The following ATP6V0A1 variants were observed in gnomAD, a reference collection of about 807,000 sequenced individuals.
The protein encoded by ATP6V0A1 is ATPase H+ transporting V0 subunit a1.
In ATP6V0A1, 43 loss-of-function variants were observed where a neutral mutation model predicts 105.4. That is an observed-to-expected ratio of 0.41 (90% CI 0.32 to 0.53). The LOEUF (loss-of-function observed/expected upper bound fraction) is 0.53, where lower values mean the gene tolerates loss of function less well. Among genes scored for constraint, ATP6V0A1 ranks in the 20% least tolerant of loss-of-function variants. ATP6V0A1 has a pLI of 0.30. For missense variants in ATP6V0A1, 676 were observed against 1,051.1 expected, an observed-to-expected ratio of 0.64 and a Z score of 4.93; for synonymous variants, 362 against 372.8, an observed-to-expected ratio of 0.97 and a Z score of 0.33.
intron 11 of ATP6V0A1, among the ~76,000 whole-genome samples, chr17:42,491,368 T>C (rs1231732611): frequency 2.0e-5 from 3 of 152,238 alleles, no homozygotes; most frequent in Non-Finnish European, 4.4e-5. Flanking sequence ...TGGAGTGCAG[T>C]GGCGTGATCT....
At position 42,500,739 on chromosome 17, in the gene ATP6V0A1, G is replaced by T. The variant is rs1346904346; in HGVS notation, c.1712G>T (p.Gly571Val). 1 of 1,613,738 alleles carries T rather than the reference G, an allele frequency of 6.2e-7. No individual in the cohort carries two copies. The highest frequency in any genetic ancestry group is 8.5e-7 in the Non-Finnish European group (1 of 1,179,758). Residue 571 changes from glycine to valine, a missense_variant, in exon 16 of 22, where the codon GGA (glycine) becomes GTA (valine). This residue lies in a region of ATP6V0A1 where 435 missense variants were observed against 642.2 expected (regional missense o/e 0.68). Transcript: ENST00000343619. ...AAGAAGCCCCTGAATATCTACTTTG[G>T]ATTTATTCCTGAAATAATCTTCATG... ...YFKKPLNIYF[G>V]FIPEIIFMTS... is the part of the protein sequence containing the mutation.
At chr17:42,468,188 G>A (rs1598707114) in intron 4 of ATP6V0A1, 81 bp downstream of exon 4, 1 of 922,316 alleles carries the variant, frequency 1.1e-6, no homozygotes, top group East Asian at 3.0e-5. Context: ...AGAGAGTAAA[G>A]TAATTCTTGC....
intron 7 of ATP6V0A1, 25 bp downstream of exon 7, chr17:42,478,614 T>C: frequency 1.9e-6 from 3 of 1,546,292 alleles, no homozygotes; most frequent in Non-Finnish European, 2.6e-6. Context: ...TTGCATCCTG[T>C]GGAGTAGGTC....
rs1009483815 is a variant in ATP6V0A1, at chr17:42,508,674, C to A, written c.2130+85C>A. 11 of 1,560,792 alleles carry A rather than the reference C, an allele frequency of 7.0e-6. No homozygotes were observed. The African/African-American group carries it at 1.2e-4, about 17-fold the overall frequency. On this transcript the variant is annotated intron_variant, in intron 19 of 21. Transcript: ENST00000343619. The stretch of plus-strand genomic sequence containing the variant: ...TGATCACTCTGCTGACCCTGCCACA[C>A]CCTGGGGCCATACACATGACTCCTG...
chr17:42,515,032 T>G (rs1292823668), intron 21 of ATP6V0A1, among the ~76,000 whole-genome samples: 1 of 152,128 alleles, frequency 6.6e-6, no homozygotes, highest in Non-Finnish European at 1.5e-5. Flanking sequence ...GGGGTGGTTC[T>G]GTTTGTTTTC....
chr17:42,477,068 C>T (rs1221026884), intron 5 of ATP6V0A1, among the ~76,000 whole-genome samples: 2 of 152,192 alleles, frequency 1.3e-5, no homozygotes, highest in African/African-American at 4.8e-5. Flanking sequence ...AACGTAGATA[C>T]CTGGAGCTTC....
intron 5 of ATP6V0A1, among the ~76,000 whole-genome samples, chr17:42,475,456 A>G (rs796534879): frequency 1.1e-4 from 16 of 152,340 alleles, no homozygotes; most frequent in African/African-American, 3.8e-4. Context: ...TTCAGGCCTC[A>G]GGACAGCTTT....
chr17:42,497,900 C>T (rs918798667), intron 14 of ATP6V0A1, among the ~76,000 whole-genome samples: 1 of 148,986 alleles, frequency 6.7e-6, no homozygotes, highest in East Asian at 2.0e-4. Flanking sequence ...CCACTGCACT[C>T]CAGCCTGGGT....
At chr17:42,515,212 A>G (rs1219714825) in intron 21 of ATP6V0A1, among the ~76,000 whole-genome samples, 1 of 152,082 alleles carries the variant, frequency 6.6e-6, no homozygotes, top group East Asian at 1.9e-4. Context: ...CATGCCTGTA[A>G]TCCTAGCACT....
intron 5 of ATP6V0A1, among the ~76,000 whole-genome samples, chr17:42,472,607 C>T (rs1400272530): frequency 1.3e-5 from 2 of 151,806 alleles, no homozygotes; most frequent in Non-Finnish European, 2.9e-5. Context: ...GCCTATAATC[C>T]CAGCTATTCA....
chr17:42,490,512 C>T lies in ATP6V0A1; in HGVS notation c.1049C>T (p.Ser350Phe). Reference protein sequence around the residue: ...GTEHSGSTVPSILNRMQTNQT... With the variant: ...GTEHSGSTVPFILNRMQTNQT... The stretch of plus-strand genomic sequence containing the variant: ...GAACACAGTGGTTCCACTGTACCTT[C>T]CATTTTGAACAGGATGCAGACAAAC... Residue 350 changes from serine to phenylalanine, a missense_variant, in exon 11 of 22, where the codon TCC (serine) becomes TTC (phenylalanine). Transcript: ENST00000343619. 6.2e-7 allele frequency: 1 copy of T among 1,608,068 alleles called. No individual in the cohort carries two copies. The highest frequency in any genetic ancestry group is 8.5e-7 in the Non-Finnish European group (1 of 1,178,402).
At chr17:42,463,282 A>G (rs1690184502) in intron 2 of ATP6V0A1, among the ~76,000 whole-genome samples, 1 of 152,010 alleles carries the variant, frequency 6.6e-6, no homozygotes, top group South Asian at 2.1e-4. Context: ...TGCTAGGATT[A>G]CAGACGTGAG....
rs7405488 is a variant in ATP6V0A1, at chr17:42,483,937, T to G, written c.810+806T>G. 8.6e-3 allele frequency among the ~76,000 whole-genome samples: 1,314 copies of G among 152,158 alleles called. 8 individuals carry two copies. Among genetic ancestry groups the G allele is most frequent in the Admixed American group, 0.013 (193 of 15,278 alleles). ...TTTACCATATTGGCCAGGCTGGTCT[T>G]GAACTCCTGACCTCAAGTGATCCAC... On this transcript the variant is annotated intron_variant, in intron 9 of 21. Coordinates refer to ENST00000343619, the MANE Select transcript of ATP6V0A1 (RefSeq NM_001130021.3).
chr17:42,488,623 A>G (rs1175736365), intron 10 of ATP6V0A1, among the ~76,000 whole-genome samples: 1 of 152,106 alleles, frequency 6.6e-6, no homozygotes, highest in Non-Finnish European at 1.5e-5. Context: ...GGTGCCCACC[A>G]TCATGCGTGG....
rs558524087 is a variant in ATP6V0A1, at chr17:42,521,667, C to T, written c.*547C>T. 1.3e-5 allele frequency: 2 copies of T among 152,344 alleles called. No homozygotes were observed. The highest frequency in any genetic ancestry group is 2.4e-5 in the African/African-American group (1 of 41,392). 9.4% of individuals were successfully genotyped at this position (152,344 alleles called of 1,614,324 possible). On this transcript the variant is annotated 3_prime_UTR_variant, in exon 22 of 22. Transcript: ENST00000343619. This position sits in a 1 kb window ranked among gnomAD's most constrained non-coding sequence, Gnocchi z 4.8. Reference sequence around the variant, plus strand: ...CCCACCCCCCTGGCATTCAGCTGGACCCAACTAGGCCATCATGAGTGGCTT... The same window carrying T: ...CCCACCCCCCTGGCATTCAGCTGGATCCAACTAGGCCATCATGAGTGGCTT...
In ATP6V0A1 at chr17:42,495,167, C is replaced by T. The variant is rs770040745; in HGVS notation, c.1448C>T (p.Pro483Leu). Residue 483 changes from proline (P) to leucine (L), a missense_variant, in exon 13 of 22, where the codon CCG becomes CTG. Physicochemically the swap from Pro to Leu is moderately conservative, Grantham distance 98 (BLOSUM62 -3). This residue lies in a region of ATP6V0A1 where 435 missense variants were observed against 642.2 expected (regional missense o/e 0.68). Coordinates refer to ENST00000343619, the MANE Select transcript of ATP6V0A1 (RefSeq NM_001130021.3). ...TTTGGGTCATCCTGGAGTGTACGGC[C>T]GATGTTTACTTATAATTGGACGTAA... ...NIFGSSWSVRPMFTYNWTEET... is the reference protein window; with the variant it reads ...NIFGSSWSVRLMFTYNWTEET... 1.4e-5 allele frequency: 22 copies of T among 1,613,716 alleles called. No homozygotes were observed. Among genetic ancestry groups the T allele is most frequent in the Middle Eastern group, 1.6e-4 (1 of 6,084 alleles).
chr17:42,473,569 T>G (rs2088291644), intron 5 of ATP6V0A1, among the ~76,000 whole-genome samples: 1 of 152,216 alleles, frequency 6.6e-6, no homozygotes, highest in African/African-American at 2.4e-5. Context: ...TCAGCTACCT[T>G]TTAGCATTAT....
At chr17:42,488,645 T>C (rs2090333920) in intron 10 of ATP6V0A1, among the ~76,000 whole-genome samples, 1 of 152,110 alleles carries the variant, frequency 6.6e-6, no homozygotes, top group South Asian at 2.1e-4. Context: ...TAATTTTTTG[T>C]AGAGACAGGG....
In ATP6V0A1 at chr17:42,472,723, C is replaced by CA. The variant is rs971394236; in HGVS notation, c.423+2516dup. 7.0e-4 allele frequency among the ~76,000 whole-genome samples: 103 copies of CA among 146,500 alleles called. 2 individuals are homozygous for CA. The highest frequency in any genetic ancestry group is 1.6e-3 in the African/African-American group (64 of 40,134). On this transcript the variant is annotated intron_variant, in intron 5 of 21. Transcript: ENST00000343619. ...TGGGCGAAAGAGCGAGACTCCATCT[C>CA]AAAAAAAAAAATTGTTTTTAACTGC...
Sources: allele counts gnomAD v4.1 joint callset (sites outside exome capture counted in the v4.1 genomes callset), GRCh38; gene constraint gnomAD v4.1.1; regional missense constraint gnomAD v4.1.1; non-coding constraint Gnocchi (gnomAD v3.1); transcripts MANE v1.5; gene names NCBI Gene and HGNC (gene_info 2026-07-23, HGNC 2026-07-21).